Variants in CAMK2D observed in about 807,000 individuals in gnomAD.
The protein encoded by CAMK2D is calcium/calmodulin dependent protein kinase II delta.
Under a neutral mutation model 84.0 loss-of-function variants are expected in CAMK2D, and 37 were observed. That is an observed-to-expected ratio of 0.44 (90% CI 0.34 to 0.58). CAMK2D has a LOEUF of 0.58. Among genes scored for constraint, CAMK2D ranks in the 20% least tolerant of loss-of-function variants. The pLI is 0.02. For synonymous variants in CAMK2D, 202 were observed against 212.5 expected, an observed-to-expected ratio of 0.95 and a Z score of 0.43; for missense variants, 448 against 652.5, an observed-to-expected ratio of 0.69 and a Z score of 3.41.
chr4:113,460,307 T>C (rs2097357181), intron 17 of CAMK2D, 66 bp from the exon 18 acceptor site: 1 of 883,920 alleles, frequency 1.1e-6, no homozygotes, highest in South Asian at 1.4e-5. Context: ...TTGTTTCATG[T>C]GTAAACATTC....
chr4:113,752,022 A>G (rs1231488976), intron 2 of CAMK2D, among the ~76,000 whole-genome samples: 1 of 151,970 alleles, frequency 6.6e-6, no homozygotes, highest in African/African-American at 2.4e-5. Flanking sequence ...GCCCACTGAG[A>G]TCAGCCAGTT....
chr4:113,681,403 C>T (rs188354768), intron 2 of CAMK2D, among the ~76,000 whole-genome samples: 254 of 152,172 alleles, frequency 1.7e-3, no homozygotes, highest in African/African-American at 5.4e-3. Context: ...TCTCTCCTGC[C>T]GCCATGTGAA....
intron 4 of CAMK2D, among the ~76,000 whole-genome samples, chr4:113,582,160 C>T (rs979504038): frequency 2.0e-5 from 3 of 152,166 alleles, no homozygotes; most frequent in Non-Finnish European, 4.4e-5. Flanking sequence ...CCAGGTTGAC[C>T]AGTTAGATGT....
chr4:113,603,946 TAAAAAGAAAA>T (rs1181001558), intron 4 of CAMK2D, among the ~76,000 whole-genome samples: 2 of 148,836 alleles, frequency 1.3e-5, no homozygotes, highest in Non-Finnish European at 3.0e-5. Flanking sequence ...AAATAAAATT[TAAAAAGAAAA>T]AAAAAGAAGA....
chr4:113,695,761 C>A (rs1035812462), intron 2 of CAMK2D, among the ~76,000 whole-genome samples: 2 of 152,046 alleles, frequency 1.3e-5, no homozygotes, highest in Non-Finnish European at 2.9e-5. Flanking sequence ...TACTTTCAAC[C>A]AAATTTCAAC....
chr4:113,711,383 G>A (rs1462603118), intron 2 of CAMK2D, among the ~76,000 whole-genome samples: 4 of 151,714 alleles, frequency 2.6e-5, no homozygotes, highest in Non-Finnish European at 4.4e-5. Context: ...ACTGTAATAA[G>A]CTTAAAAAAG....
At chr4:113,736,124 A>C (rs1400103309) in intron 2 of CAMK2D, among the ~76,000 whole-genome samples, 1 of 52,454 alleles carries the variant, frequency 1.9e-5, no homozygotes, top group Admixed American at 3.0e-4. Context: ...CTGACTCACT[A>C]GTAGAATTAA....
intron 2 of CAMK2D, among the ~76,000 whole-genome samples, chr4:113,739,253 C>T (rs947545032): frequency 6.6e-5 from 10 of 152,118 alleles, no homozygotes; most frequent in Non-Finnish European, 1.3e-4. Context: ...TTCTCACTGA[C>T]CATCAAACTA....
chr4:113,660,587 T>TGCCATATTGCCCAGGCTGGTCTC (rs2099225304), intron 3 of CAMK2D, among the ~76,000 whole-genome samples: 1 of 152,026 alleles, frequency 6.6e-6, no homozygotes, highest in African/African-American at 2.4e-5. Flanking sequence ...GATATGGTCT[T>TGCCATATTGCCCAGGCTGGTCTC]GCCATATTGC....
chr4:113,720,603 C>A (rs1252742858), intron 2 of CAMK2D, among the ~76,000 whole-genome samples: 1 of 151,828 alleles, frequency 6.6e-6, no homozygotes, highest in African/African-American at 2.4e-5. Flanking sequence ...ATCAAATTAA[C>A]CAGAAATGGG....
intron 2 of CAMK2D, among the ~76,000 whole-genome samples, chr4:113,744,345 C>A (rs151280799): frequency 1.6e-4 from 24 of 152,308 alleles, no homozygotes; most frequent in Non-Finnish European, 3.2e-4. Flanking sequence ...TGAAATTCTG[C>A]CATATGGGAA....
chr4:113,699,552 A>G (rs755582443), intron 2 of CAMK2D, among the ~76,000 whole-genome samples: 1 of 152,156 alleles, frequency 6.6e-6, no homozygotes, highest in Non-Finnish European at 1.5e-5. Flanking sequence ...ATGCCTAATC[A>G]GTGATTTACA....
chr4:113,733,459 G>A (rs1367661203), intron 2 of CAMK2D, among the ~76,000 whole-genome samples: 2 of 152,134 alleles, frequency 1.3e-5, no homozygotes, highest in African/African-American at 4.8e-5. Flanking sequence ...TTTTTTAATT[G>A]CTAAACTGAA....
At chr4:113,676,069 T>C (rs2099317037) in intron 2 of CAMK2D, among the ~76,000 whole-genome samples, 1 of 152,216 alleles carries the variant, frequency 6.6e-6, no homozygotes, top group Non-Finnish European at 1.5e-5. Flanking sequence ...TCAAATCTTA[T>C]GAAATGTTTA....
intron 3 of CAMK2D, among the ~76,000 whole-genome samples, chr4:113,634,186 C>T (rs1328774376): frequency 7.9e-5 from 12 of 152,184 alleles, no homozygotes; most frequent in Non-Finnish European, 1.8e-4. Context: ...GTTCCTTCTC[C>T]CCTATTCTGA....
chr4:113,466,271 T>TAAAC (rs1467128845), intron 16 of CAMK2D, among the ~76,000 whole-genome samples: 8 of 150,216 alleles, frequency 5.3e-5, no homozygotes, highest in Non-Finnish European at 1.0e-4. Flanking sequence ...AATAAATAAA[T>TAAAC]AAATAAATAA....
chr4:113,518,406 T>G (rs1386178538), intron 8 of CAMK2D, among the ~76,000 whole-genome samples: 1 of 152,230 alleles, frequency 6.6e-6, no homozygotes, highest in Non-Finnish European at 1.5e-5. Flanking sequence ...CTAATTTCAC[T>G]TTTAAAATTA....
rs762107988 is a variant in CAMK2D at position 113,761,041 on chromosome 4, A to T, written c.28T>A (p.Phe10Ile). The change falls in exon 1 of 21, where the codon TTC (phenylalanine) becomes ATC (isoleucine). Residue 10 changes from phenylalanine (F) to isoleucine (I), a missense_variant. Coordinates refer to ENST00000511664, the MANE Select transcript of CAMK2D (RefSeq NM_001321571.2). The part of the protein sequence containing the change: MASTTTCTR[F>I]TDEYQLFEEL... Reference sequence around the variant, plus strand: ...TCGAAAAGCTGATACTCGTCCGTGAACCTGGTGCAGGTTGTGGTCGAAGCC... The same window carrying T: ...TCGAAAAGCTGATACTCGTCCGTGATCCTGGTGCAGGTTGTGGTCGAAGCC... 2.5e-6 allele frequency: 4 copies of T among 1,613,974 alleles called. No individual in the cohort carries two copies. The highest frequency in any genetic ancestry group is 2.5e-6 in the Non-Finnish European group (3 of 1,179,996).
rs529086615 is a variant in CAMK2D, at chr4:113,601,600, A to G, written c.275+7552T>C. Among the ~76,000 whole-genome samples, 9 of 151,986 alleles carry G rather than the reference A, an allele frequency of 5.9e-5. No homozygotes were observed. In the South Asian group the frequency reaches 1.9e-3, roughly 32 times the overall value. On this transcript the variant is annotated intron_variant, in intron 4 of 20. Coordinates refer to ENST00000511664, the MANE Select transcript of CAMK2D (RefSeq NM_001321571.2). ...TCAAACAAAATTCCATTTTCTAAAA[A>G]CAAACAAGAAATTTAGTATAGTTAT...
Sources: gnomAD v4.1 joint callset for allele counts (sites outside exome capture counted in the v4.1 genomes callset) on GRCh38, gnomAD v4.1.1 for gene constraint, MANE v1.5 for transcripts, NCBI Gene and HGNC (gene_info 2026-07-23, HGNC 2026-07-21) for gene names.